The following MYLK variants were observed in gnomAD, a reference collection of about 807,000 sequenced individuals.
The protein encoded by MYLK is myosin light chain kinase.
A neutral mutation model predicts 203.4 loss-of-function variants in MYLK; 106 were observed. That is an observed-to-expected ratio of 0.52 (90% confidence interval 0.45 to 0.61). The LOEUF (loss-of-function observed/expected upper bound fraction) is 0.61. MYLK is among the 20% of genes least tolerant of loss of function. The pLI is 0.00. For synonymous variants in MYLK, 867 were observed against 959.5 expected (o/e 0.90, Z 1.78); for missense variants, 2,072 against 2,442.3 (o/e 0.85, Z 3.20).
intron 3 of MYLK, among the ~76,000 whole-genome samples, chr3:123,824,626 A>C (rs1186329532): frequency 6.6e-6 from 1 of 152,192 alleles, no homozygotes; most frequent in East Asian, 1.9e-4. Flanking sequence ...AGATGGTTAC[A>C]CTATTGATCA....
chr3:123,835,392 G>A (rs967635766), intron 2 of MYLK, among the ~76,000 whole-genome samples: 1 of 152,084 alleles, frequency 6.6e-6, no homozygotes, highest in African/African-American at 2.4e-5. Flanking sequence ...AGACGGAGGG[G>A]AATATTTGAA....
At chr3:123,734,356 G>T in intron 9 of MYLK, 134 bp from the exon 10 acceptor site, 1 of 872,944 alleles carries the variant, frequency 1.1e-6, no homozygotes, top group Non-Finnish European at 1.7e-6. Context: ...TTAAGGGCAA[G>T]TAAGAGCATC....
intron 16 of MYLK, among the ~76,000 whole-genome samples, chr3:123,705,853 T>C (rs761063868): frequency 2.0e-5 from 3 of 152,198 alleles, no homozygotes; most frequent in Non-Finnish European, 4.4e-5. Flanking sequence ...GATGTCTGGC[T>C]TGAGTAATGT....
intron 2 of MYLK, among the ~76,000 whole-genome samples, chr3:123,843,788 G>A (rs1354395205): frequency 1.3e-5 from 2 of 152,122 alleles, no homozygotes; most frequent in East Asian, 3.9e-4. Context: ...CTCTACTGGG[G>A]CATCATAGCT....
At chr3:123,733,220 C>G in intron 10 of MYLK, 118 bp from the exon 11 acceptor site, 1 of 1,116,560 alleles carries the variant, frequency 9.0e-7, no homozygotes, top group East Asian at 2.6e-5. Flanking sequence ...TGGAGCTGCC[C>G]TCCCACCTCT....
At position 123,673,439 on chromosome 3, in the gene MYLK, TC is replaced by T. The variant is rs560710343; in HGVS notation, c.3653-6253del. 4.6e-5 allele frequency among the ~76,000 whole-genome samples: 7 copies of T among 151,688 alleles called. No individual in the cohort carries two copies. In the East Asian group the frequency reaches 1.4e-3, roughly 29 times the overall value. Reference sequence around the variant, plus strand: ...CAGTGCATGTTCTAACATCAGCCCCTCCCCCCACTCCCCCGCTCTCTGAAAC... The same window carrying T: ...CAGTGCATGTTCTAACATCAGCCCCTCCCCCACTCCCCCGCTCTCTGAAAC... On this transcript the variant is annotated intron_variant, in intron 20 of 33. Transcript: ENST00000360304.
rs78608443 is a variant in MYLK, at chr3:123,831,827, G to C, written c.-126-157C>G. Among the ~76,000 whole-genome samples the C allele has an allele frequency of 5.8e-3, 884 of 152,238 alleles. 11 individuals are homozygous for C. The highest frequency in any genetic ancestry group is 0.02 in the African/African-American group (834 of 41,516). ...CGATGGGTGGCTTTTATTACCGTGT[G>C]GGGGGGTTATACGTTTAGAGTTCAG... On this transcript the variant is annotated intron_variant, in intron 2 of 33. Coordinates refer to ENST00000360304, the MANE Select transcript of MYLK (RefSeq NM_053025.4).
intron 11 of MYLK, among the ~76,000 whole-genome samples, chr3:123,732,640 G>C (rs1302658879): frequency 6.6e-6 from 1 of 152,174 alleles, no homozygotes; most frequent in Non-Finnish European, 1.5e-5. Flanking sequence ...AGGGACCTAG[G>C]AAAGGTAGCT....
intron 2 of MYLK, chr3:123,835,832 T>G (rs1048726780): frequency 6.6e-6 from 1 of 152,172 alleles, no homozygotes; most frequent in African/African-American, 2.4e-5. Flanking sequence ...GGCCTTTCTG[T>G]GTAAAAACTG....
At chr3:123,626,778 T>G in intron 31 of MYLK, 40 bp downstream of exon 31, 5 of 1,613,886 alleles carry the variant, frequency 3.1e-6, no homozygotes, top group South Asian at 1.1e-5. Context: ...AACACAAATA[T>G]GAGGGGCAAC....
intron 4 of MYLK, among the ~76,000 whole-genome samples, chr3:123,789,574 G>A (rs1176021043): frequency 1.3e-5 from 2 of 151,604 alleles, no homozygotes; most frequent in Non-Finnish European, 1.5e-5. Flanking sequence ...AGAGGGATCT[G>A]GTTGCCTGGG....
At chr3:123,637,326 C>T (rs1486785250) in intron 29 of MYLK, among the ~76,000 whole-genome samples, 7 of 152,102 alleles carry the variant, frequency 4.6e-5, no homozygotes, top group East Asian at 1.9e-4. Flanking sequence ...AGCACATTCA[C>T]AAACCTAGAG....
At position 123,620,192 on chromosome 3, in the gene MYLK, GA is replaced by G; in HGVS notation, c.5368+14del. 1 of 1,590,600 alleles carries G rather than the reference GA, an allele frequency of 6.3e-7. No homozygotes were observed. The highest frequency in any genetic ancestry group is 8.6e-7 in the Non-Finnish European group (1 of 1,159,566). The stretch of plus-strand genomic sequence containing the variant: ...CTTTCTTTCTCACCAGCTGGCTGGA[GA>G]AACTCCTCCTTACCTTCAGATTCTA... On this transcript the variant is annotated intron_variant, in intron 32 of 33. Coordinates refer to ENST00000360304, the MANE Select transcript of MYLK (RefSeq NM_053025.4).
At chr3:123,787,727 T>C (rs886511602) in intron 4 of MYLK, among the ~76,000 whole-genome samples, 1 of 152,146 alleles carries the variant, frequency 6.6e-6, no homozygotes, top group African/African-American at 2.4e-5. Flanking sequence ...GGATAAAAGC[T>C]GCCTTGCCAG....
At chr3:123,812,242 T>G (rs2065585926) in intron 3 of MYLK, among the ~76,000 whole-genome samples, 1 of 152,172 alleles carries the variant, frequency 6.6e-6, no homozygotes, top group South Asian at 2.1e-4. Context: ...AGAGAAAAAC[T>G]GAATTCATTA....
chr3:123,686,258 T>C (rs1211547069), intron 19 of MYLK, among the ~76,000 whole-genome samples: 1 of 152,068 alleles, frequency 6.6e-6, no homozygotes, highest in African/African-American at 2.4e-5. Context: ...GGGAGGAAGA[T>C]GGAGGTGTGA....
chr3:123,699,910 A>T, intron 18 of MYLK, 110 bp downstream of exon 18: 1 of 1,452,112 alleles, frequency 6.9e-7, no homozygotes, highest in Non-Finnish European at 9.5e-7. Flanking sequence ...AAACCAGGTT[A>T]GCAGCCTACC....
chr3:123,677,039 C>G (rs13070118), intron 20 of MYLK, among the ~76,000 whole-genome samples: 19,345 of 152,150 alleles, frequency 0.13, 2,691 homozygotes, highest in East Asian at 0.38. Context: ...CAAGAACTCC[C>G]CTGGCCATTT....
Position 123,880,921 on chromosome 3 carries a change from C to G in MYLK, c.-186+3285G>C, listed in dbSNP as rs918704320. 2.6e-5 allele frequency among the ~76,000 whole-genome samples: 4 copies of G among 152,158 alleles called. No homozygotes were observed. In the East Asian group the frequency reaches 7.7e-4, roughly 29 times the overall value. On this transcript the variant is annotated intron_variant, in intron 1 of 33. Coordinates refer to ENST00000360304, the MANE Select transcript of MYLK (RefSeq NM_053025.4). ...GCATGCAACAAGGAGGAGGGATGCA[C>G]CTGTTGGCCCGCAGTGCAAATACGG...
Sources: allele counts gnomAD v4.1 joint callset (sites outside exome capture counted in the v4.1 genomes callset), GRCh38; gene constraint gnomAD v4.1.1; transcripts MANE v1.5; gene names NCBI Gene and HGNC (gene_info 2026-07-23, HGNC 2026-07-21).